The following LRRC49 variants were observed in gnomAD, a reference collection of about 807,000 sequenced individuals.
LRRC49 encodes leucine-rich repeat-containing protein 49.
LRRC49 carries 50 observed loss-of-function variants against 83.3 expected under a neutral mutation model. The observed-to-expected ratio is 0.60, with a 90% CI of 0.48 to 0.76. LRRC49 has a LOEUF of 0.76. Ranked by LOEUF, LRRC49 falls within the 30% of genes least tolerant of loss-of-function variation. The probability of loss-of-function intolerance (pLI) is 0.00; values close to 1 mark genes in which losing one functional copy is unlikely to be tolerated. For synonymous variants in LRRC49, 286 were observed against 283.3 expected (o/e 1.01, Z -0.10); for missense variants, 704 against 809.1 (o/e 0.87, Z 1.58).
intron 1 of LRRC49, chr15:70,853,856 G>T (rs1356209962): frequency 8.1e-7 from 1 of 1,233,786 alleles, no homozygotes; most frequent in African/African-American, 1.6e-5. Context: ...CGCCCCCTCG[G>T]GGCCCACCTC....
Position 70,858,608 on chromosome 15 carries a change from AAAAAC to A in LRRC49, c.-299+5153_-299+5157del, listed in dbSNP as rs562821604. The stretch of plus-strand genomic sequence containing the variant: ...GACAGAGCGAGACTTGGTCTCAATT[AAAAAC>A]AAAACAAAACAAACAAAAAAAGGAC... On this transcript the variant is annotated intron_variant, in intron 1 of 16. Transcript: ENST00000544974. 1,085 of 515,122 alleles carry A rather than the reference AAAAAC, an allele frequency of 2.1e-3. 7 individuals are homozygous for A. Among genetic ancestry groups the A allele is most frequent in the African/African-American group, 0.019 (963 of 51,870 alleles). The allele number at this position is 515,122 out of a possible 1,614,324, so 31.9% of individuals were successfully genotyped here. A position where few individuals can be genotyped will look rare whatever the true frequency, so the allele number is the denominator to read the frequency against.
chr15:70,889,804 C>G (rs959794228), upstream of LRRC49, among the ~76,000 whole-genome samples: 2 of 152,084 alleles, frequency 1.3e-5, no homozygotes, highest in Non-Finnish European at 2.9e-5. Flanking sequence ...GATTTTTAGA[C>G]AGTTAGTCCT....
At chr15:71,045,628 C>CA (rs1011888210) in intron 15 of LRRC49, among the ~76,000 whole-genome samples, 1 of 152,020 alleles carries the variant, frequency 6.6e-6, no homozygotes, top group Non-Finnish European at 1.5e-5. Context: ...CAAACCCTAT[C>CA]AAAAAAAATT....
intron 8 of LRRC49, among the ~76,000 whole-genome samples, chr15:70,961,836 A>C (rs570661520): frequency 1.3e-5 from 2 of 152,340 alleles, no homozygotes; most frequent in Non-Finnish European, 2.9e-5. Context: ...GATACATGAC[A>C]TTAAGCCTGT....
chr15:70,894,791 A>C (rs1567040262), intron 2 of LRRC49: 1 of 265,068 alleles, frequency 3.8e-6, no homozygotes, highest in South Asian at 4.2e-5. Context: ...ATGGAAGGAC[A>C]TCGTTAGTCA....
intron 11 of LRRC49, among the ~76,000 whole-genome samples, 200 bp from the exon 12 acceptor site, chr15:71,008,179 G>A (rs1428058329): frequency 6.6e-6 from 1 of 151,768 alleles, no homozygotes; most frequent in Admixed American, 6.6e-5. Context: ...TTCATAACAT[G>A]CCTCTTAAAT....
At chr15:71,031,980 G>A (rs2141290992) in intron 14 of LRRC49, among the ~76,000 whole-genome samples, 1 of 152,292 alleles carries the variant, frequency 6.6e-6, no homozygotes. Flanking sequence ...CCTGGCTTCA[G>A]ACCGCTTTCC....
At position 70,997,099 on chromosome 15, in the gene LRRC49, A is replaced by T. The variant is rs1375125521; in HGVS notation, c.1170-11280A>T. Among the ~76,000 whole-genome samples, 3 of 152,016 alleles carry T rather than the reference A, an allele frequency of 2.0e-5. No individual in the cohort carries two copies. The East Asian group carries it at 5.8e-4, about 29-fold the overall frequency. On this transcript the variant is annotated intron_variant, in intron 11 of 15. Transcript: ENST00000260382. ...TACTTCAAGTCCTCTTTACTTGCTGATCTTCTGTCTGGTTGTTCTATCCAT... is the reference window on the plus strand; with the variant it reads ...TACTTCAAGTCCTCTTTACTTGCTGTTCTTCTGTCTGGTTGTTCTATCCAT...
At chr15:70,937,496 G>T (rs1276665461) in intron 8 of LRRC49, among the ~76,000 whole-genome samples, 1 of 152,012 alleles carries the variant, frequency 6.6e-6, no homozygotes, top group Non-Finnish European at 1.5e-5. Flanking sequence ...TTTGAACTGG[G>T]CTTTTTAATG....
chr15:70,870,956 T>G (rs8029130), intron 1 of LRRC49, among the ~76,000 whole-genome samples: 1 of 150,116 alleles, frequency 6.7e-6, no homozygotes, highest in African/African-American at 2.5e-5. Context: ...TTTTTTTTTT[T>G]TTTTTTTTTA....
chr15:70,892,407 A>G, upstream of LRRC49: 1 of 1,539,430 alleles, frequency 6.5e-7, no homozygotes, highest in South Asian at 1.2e-5. Context: ...TTCCTTCCCT[A>G]CCTCTGGTCA....
chr15:70,989,246 C>T (rs967038715), intron 11 of LRRC49, among the ~76,000 whole-genome samples: 50 of 152,130 alleles, frequency 3.3e-4, no homozygotes, highest in Non-Finnish European at 7.3e-5. Flanking sequence ...CAACTTGGTT[C>T]CATTCTCCCC....
At chr15:71,013,843 A>G (rs1264903067) in intron 14 of LRRC49, among the ~76,000 whole-genome samples, 2 of 152,184 alleles carry the variant, frequency 1.3e-5, no homozygotes, top group South Asian at 4.1e-4. Context: ...CCTCCTTGCT[A>G]TGGTCATGGA....
intron 14 of LRRC49, among the ~76,000 whole-genome samples, chr15:71,032,346 C>G (rs931450402): frequency 2.0e-5 from 3 of 152,018 alleles, no homozygotes; most frequent in Non-Finnish European, 4.4e-5. Context: ...AACTGGGTAC[C>G]TCAGTTGGAA....
chr15:70,893,602 C>T lies in LRRC49; in HGVS notation c.67C>T (p.Leu23=), dbSNP rs2033686282. ...ATTTCAGGTGAACTGCGGGCTTCAT[C>T]TGGTTATTCAAACATCATCGCTTCC... ...AANNVNCGLH[L]VIQTSSLPEK... is the part of the protein sequence containing the mutation. The change falls in exon 2 of 16, where the codon CTG becomes TTG. Residue 23 remains leucine (L), a synonymous_variant. Transcript: ENST00000260382. 1 of 1,609,842 alleles carries T rather than the reference C, an allele frequency of 6.2e-7. No individual in the cohort carries two copies. The highest frequency in any genetic ancestry group is 1.1e-5 in the South Asian group (1 of 90,392).
At chr15:70,894,063 A>G (rs1190809770) in intron 2 of LRRC49, among the ~76,000 whole-genome samples, 1 of 151,882 alleles carries the variant, frequency 6.6e-6, no homozygotes, top group Non-Finnish European at 1.5e-5. Flanking sequence ...CCCGGCTAAT[A>G]TTTTTGTATT....
At chr15:71,008,657 T>G in intron 12 of LRRC49, 41 bp downstream of exon 12, 2 of 1,429,880 alleles carry the variant, frequency 1.4e-6, no homozygotes, top group South Asian at 2.3e-5. Flanking sequence ...ATATTCTTAG[T>G]CAATGACTTG....
intron 11 of LRRC49, among the ~76,000 whole-genome samples, chr15:70,996,155 A>T (rs1436772665): frequency 6.6e-6 from 1 of 152,152 alleles, no homozygotes; most frequent in Non-Finnish European, 1.5e-5. Context: ...GAAGATATTT[A>T]TATATGAAGG....
chr15:70,987,852 T>C (rs1166559421), intron 11 of LRRC49, among the ~76,000 whole-genome samples: 1 of 152,204 alleles, frequency 6.6e-6, no homozygotes, highest in Non-Finnish European at 1.5e-5. Context: ...TTCTCGTTGG[T>C]TTCAAAGAAC....
Sources: allele counts gnomAD v4.1 joint callset (sites outside exome capture counted in the v4.1 genomes callset), GRCh38; gene constraint gnomAD v4.1.1; transcripts MANE v1.5; gene names NCBI Gene and HGNC (gene_info 2026-07-23, HGNC 2026-07-21).